UTRN: variants seen among roughly 807,000 people sequenced by gnomAD.
UTRN encodes the protein dystrophin-related protein 1.
Under a neutral mutation model 463.9 loss-of-function variants are expected in UTRN, and 283 were observed. The ratio of observed to expected loss-of-function variants is 0.61; its 90% CI spans 0.55 to 0.67. The LOEUF (loss-of-function observed/expected upper bound fraction) is 0.67, where lower values mean the gene tolerates loss of function less well. Among genes scored for constraint, UTRN ranks in the 30% least tolerant of loss-of-function variants. The pLI is 0.00. For synonymous variants in UTRN, 1,442 were observed against 1,431.5 expected (o/e 1.01, Z -0.17); for missense variants, 3,922 against 4,084.3 (o/e 0.96, Z 1.08).
At chr6:144,308,476 AGATAAGAG>A (rs1805951386) in intron 2 of UTRN, among the ~76,000 whole-genome samples, 1 of 151,600 alleles carries the variant, frequency 6.6e-6, no homozygotes, top group Non-Finnish European at 1.5e-5. Context: ...TTTTTTTTGT[AGATAAGAG>A]GTTTCACCAT....
At chr6:144,524,218 T>G (rs369300399) in intron 41 of UTRN, among the ~76,000 whole-genome samples, 8 of 152,348 alleles carry the variant, frequency 5.3e-5, no homozygotes, top group Admixed American at 4.6e-4. Flanking sequence ...TTTACAAATT[T>G]TCTCTTTGTA....
At chr6:144,698,477 G>A (rs756247216) in intron 52 of UTRN, among the ~76,000 whole-genome samples, 1 of 152,166 alleles carries the variant, frequency 6.6e-6, no homozygotes, top group South Asian at 2.1e-4. Context: ...CTGATGAAAG[G>A]CAGACGTGTG....
At chr6:144,624,983 T>C (rs1019832326) in intron 51 of UTRN, among the ~76,000 whole-genome samples, 2 of 152,154 alleles carry the variant, frequency 1.3e-5, no homozygotes, top group African/African-American at 4.8e-5. Flanking sequence ...AAGATGACCA[T>C]TATAACAGAG....
chr6:144,671,493 C>A (rs1308627669), intron 51 of UTRN, among the ~76,000 whole-genome samples: 1 of 151,918 alleles, frequency 6.6e-6, no homozygotes, highest in Non-Finnish European at 1.5e-5. Flanking sequence ...ATTTTGTATT[C>A]TGAAACTTTA....
chr6:144,754,827 A>G (rs17074126), intron 57 of UTRN, 29 bp downstream of exon 57: 68,586 of 1,590,068 alleles, frequency 0.043, 1,626 homozygotes, highest in Non-Finnish European at 0.045. Flanking sequence ...GACTGATCGC[A>G]TTAATTGAAT....
chr6:144,405,265 A>G (rs9496963), intron 3 of UTRN, among the ~76,000 whole-genome samples: 17,086 of 152,084 alleles, frequency 0.11, 2,121 homozygotes, highest in African/African-American at 0.3. Flanking sequence ...GGAGATGGGA[A>G]GCTCATGGCA....
intron 2 of UTRN, among the ~76,000 whole-genome samples, chr6:144,388,885 A>G (rs1192902536): frequency 6.6e-6 from 1 of 152,166 alleles, no homozygotes; most frequent in Non-Finnish European, 1.5e-5. Context: ...TGCCTGTGAG[A>G]GTTTGAGCTC....
intron 57 of UTRN, among the ~76,000 whole-genome samples, chr6:144,757,236 TAA>T (rs375711274): frequency 3.5e-4 from 41 of 115,502 alleles, no homozygotes; most frequent in Non-Finnish European, 5.6e-4. Context: ...ACTAGAATTG[TAA>T]AAAAAAAAAA....
At position 144,488,821 on chromosome 6, in the gene UTRN, C is replaced by A. The variant is rs1015290685; in HGVS notation, c.4121C>A (p.Pro1374Gln). ...LTDRIDAFQV[P>Q]QEAQKIQAEI... ...GACAGGATAGATGCTTTCCAAGTTC[C>A]ACAGGAAGCTCAGGTATTGCCGTGC... The change falls in exon 30 of 75, where the codon CCA becomes CAA. Residue 1374 changes from proline to glutamine, a missense_variant. Around this residue, in one of 3 missense-constraint regions of UTRN, gnomAD observed 2,349 missense variants for 2,303.8 expected, o/e 1.02. Coordinates refer to ENST00000367545, the MANE Select transcript of UTRN (RefSeq NM_007124.3). 8.1e-6 allele frequency: 13 copies of A among 1,595,186 alleles called. No homozygotes were observed. The highest frequency in any genetic ancestry group is 3.3e-4 in the Middle Eastern group (2 of 5,978).
At chr6:144,825,291 C>T (rs780614791) in intron 66 of UTRN, among the ~76,000 whole-genome samples, 10 of 152,290 alleles carry the variant, frequency 6.6e-5, no homozygotes, top group Admixed American at 1.3e-4. Flanking sequence ...GGATAGGCTG[C>T]GTTCTGAAGC....
intron 52 of UTRN, among the ~76,000 whole-genome samples, chr6:144,692,336 T>C (rs1394023279): frequency 3.3e-5 from 5 of 152,212 alleles, no homozygotes; most frequent in Non-Finnish European, 1.5e-5. Context: ...CTATTGTGCA[T>C]AGTACTACAA....
rs767923187 is a variant in UTRN, at chr6:144,531,040, A to G, written c.5907-12A>G. 24 of 1,610,216 alleles carry G rather than the reference A, an allele frequency of 1.5e-5. No individual in the cohort carries two copies. In the South Asian group the frequency reaches 2.7e-4, roughly 18 times the overall value. ...TTTGGAAACCTATTTTATTTTGTGT[A>G]TTGTCCTCTAGTTGTTTTGACAGGG... On this transcript the variant is annotated splice_polypyrimidine_tract_variant and intron_variant, in intron 41 of 74. Coordinates refer to ENST00000367545, the MANE Select transcript of UTRN (RefSeq NM_007124.3).
intron 51 of UTRN, among the ~76,000 whole-genome samples, chr6:144,667,060 C>T (rs1780486479): frequency 6.6e-6 from 1 of 152,068 alleles, no homozygotes. Context: ...TCTACTTCTT[C>T]TTCTTCTTCT....
chr6:144,302,383 C>T (rs1805360493), intron 2 of UTRN, among the ~76,000 whole-genome samples: 1 of 152,064 alleles, frequency 6.6e-6, no homozygotes, highest in African/African-American at 2.4e-5. Flanking sequence ...TGGTGGCACT[C>T]ACCTGTAATC....
intron 2 of UTRN, among the ~76,000 whole-genome samples, chr6:144,391,891 T>G (rs1781969832): frequency 6.6e-6 from 1 of 152,174 alleles, no homozygotes; most frequent in Non-Finnish European, 1.5e-5. Context: ...CTGCCCTCCT[T>G]GGCCTCCCAA....
In UTRN at chr6:144,771,968, G is replaced by C; in HGVS notation, c.8557G>C (p.Ala2853Pro). ...AATGACCGAACTCTTTCAATCCCTTGGTAAGTGTTATTAATAGTAATAAAT... is the reference window on the plus strand; with the variant it reads ...AATGACCGAACTCTTTCAATCCCTTCGTAAGTGTTATTAATAGTAATAAAT... Reference protein sequence around the residue: ...PKMTELFQSLADLNNVRFSAY... With the variant: ...PKMTELFQSLPDLNNVRFSAY... Residue 2853 changes from alanine to proline, a missense_variant and splice_region_variant, in exon 59 of 75, where the codon GCT becomes CCT. Physicochemically the swap from Ala to Pro is conservative, Grantham distance 27. This residue lies in a region of UTRN where 1,309 missense variants were observed against 1,452.6 expected (regional missense o/e 0.90). Transcript: ENST00000367545. The C allele has an allele frequency of 2.1e-6, 3 of 1,449,700 alleles. No individual in the cohort carries two copies. The highest frequency in any genetic ancestry group is 2.8e-6 in the Non-Finnish European group (3 of 1,079,738). The allele number at this position is 1,449,700 out of a possible 1,614,324, so 89.8% of individuals were successfully genotyped here. A position where few individuals can be genotyped will look rare whatever the true frequency, so the allele number is the denominator to read the frequency against.
At chr6:144,691,228 T>G (rs982511495) in intron 52 of UTRN, among the ~76,000 whole-genome samples, 3 of 152,196 alleles carry the variant, frequency 2.0e-5, no homozygotes, top group Non-Finnish European at 4.4e-5. Context: ...GTGATGCTCA[T>G]GCCTCAGCCT....
At position 144,572,103 on chromosome 6, in the gene UTRN, G is replaced by A. The variant is rs897799997; in HGVS notation, c.7290-4996G>A. Among the ~76,000 whole-genome samples, 4 of 152,090 alleles carry A rather than the reference G, an allele frequency of 2.6e-5. No individual in the cohort carries two copies. The South Asian group carries it at 8.3e-4, about 32-fold the overall frequency. On this transcript the variant is annotated intron_variant, in intron 50 of 74. Transcript: ENST00000367545. Reference sequence around the variant, plus strand: ...TTTTGTCTGAGTGTATCCTTTGTAAGTTTTGTCACGTTAAAACAGGAATAC... The same window carrying A: ...TTTTGTCTGAGTGTATCCTTTGTAAATTTTGTCACGTTAAAACAGGAATAC...
chr6:144,353,131 T>G (rs996468841), intron 2 of UTRN, among the ~76,000 whole-genome samples: 1 of 151,966 alleles, frequency 6.6e-6, no homozygotes, highest in East Asian at 1.9e-4. Flanking sequence ...TTTTTTTTAT[T>G]TGGGTAAGAG....
Sources: allele counts gnomAD v4.1 joint callset (sites outside exome capture counted in the v4.1 genomes callset), GRCh38; gene constraint gnomAD v4.1.1; regional missense constraint gnomAD v4.1.1; transcripts MANE v1.5; gene names NCBI Gene and HGNC (gene_info 2026-07-23, HGNC 2026-07-21).